Variants in ASAH1 observed in about 807,000 individuals in gnomAD.
The protein encoded by ASAH1 is acid ceramidase.
Under a neutral mutation model 59.5 loss-of-function variants are expected in ASAH1, and 70 were observed. That is an observed-to-expected ratio of 1.18 (90% CI 0.97 to 1.43). The LOEUF (loss-of-function observed/expected upper bound fraction) is 1.43, where lower values mean the gene tolerates loss of function less well. Among genes scored for constraint, ASAH1 ranks in the 40% most tolerant of loss-of-function variants. ASAH1 has a pLI of 0.00. For missense variants in ASAH1, 660 were observed against 482.5 expected (o/e 1.37, Z -3.45); for synonymous variants, 213 against 166.5 (o/e 1.28, Z -2.15).
chr8:18,060,610 A>G (rs1799652605), intron 10 of ASAH1: 2 of 152,272 alleles, frequency 1.3e-5, no homozygotes, highest in Admixed American at 1.3e-4. Context: ...TTCCCTGGGA[A>G]GTATTAAAAA....
chr8:18,083,928 TC>T, intron 1 of ASAH1, 52 bp downstream of exon 1: 1 of 1,566,680 alleles, frequency 6.4e-7, no homozygotes, highest in Non-Finnish European at 8.6e-7. Context: ...TGCGCCTCCA[TC>T]CGCGCCCGCA....
upstream of ASAH1, chr8:18,084,950 G>A: frequency 1.7e-6 from 2 of 1,184,564 alleles, no homozygotes; most frequent in Non-Finnish European, 2.4e-6. Flanking sequence ...GTAGGTGACC[G>A]GGTTGGATTT....
intron 1 of ASAH1, among the ~76,000 whole-genome samples, chr8:18,077,040 G>A (rs181418913): frequency 3.3e-5 from 5 of 152,116 alleles, no homozygotes; most frequent in Non-Finnish European, 5.9e-5. Flanking sequence ...GGGGCAGCTC[G>A]TTTAGAAAAA....
rs1588985779 is a variant in ASAH1 at position 18,067,133 on chromosome 8, C to CCTGTGCTGTATATCTAAGACATACAGCAT, written c.382+86_382+87insATGCTGTATGTCTTAGATATACAGCACAG. Reference sequence around the variant, plus strand: ...TGCTGTATATCTAAGACATACAGCACCTGTGCTGTATGTATATCACACCTC... The same window carrying CCTGTGCTGTATATCTAAGACATACAGCAT: ...TGCTGTATATCTAAGACATACAGCACCTGTGCTGTATATCTAAGACATACAGCATCTGTGCTGTATGTATATCACACCTC... On this transcript the variant is annotated intron_variant, in intron 5 of 13. Coordinates refer to ENST00000637790, the MANE Select transcript of ASAH1 (RefSeq NM_177924.5). 2.3e-5 allele frequency: 13 copies of CCTGTGCTGTATATCTAAGACATACAGCAT among 569,740 alleles called. No individual in the cohort carries two copies. In the East Asian group the frequency reaches 7.7e-4, roughly 34 times the overall value. The allele number at this position is 569,740 out of a possible 1,614,324, so 35.3% of individuals were successfully genotyped here.
chr8:18,058,615 G>C, intron 13 of ASAH1: 3 of 570,678 alleles, frequency 5.3e-6, no homozygotes, highest in Admixed American at 6.2e-5. Context: ...TGTAAATAAA[G>C]CTATAAACAA....
intron 2 of ASAH1, 28 bp downstream of exon 2, chr8:18,075,513 G>T: frequency 6.2e-7 from 1 of 1,612,034 alleles, no homozygotes; most frequent in Non-Finnish European, 8.5e-7. Flanking sequence ...AGGTCAAAGG[G>T]AGTTTTGATC....
intron 3 of ASAH1, among the ~76,000 whole-genome samples, chr8:18,070,256 T>C (rs969211673): frequency 6.6e-6 from 1 of 152,178 alleles, no homozygotes; most frequent in Non-Finnish European, 1.5e-5. Flanking sequence ...TTCAAGCGAT[T>C]CTCTTGCCTC....
chr8:18,080,589 C>T (rs968410442), intron 1 of ASAH1, among the ~76,000 whole-genome samples: 6 of 152,146 alleles, frequency 3.9e-5, no homozygotes, highest in Non-Finnish European at 8.8e-5. Context: ...GACGAAGTTT[C>T]GCTCATTGTC....
At chr8:18,060,366 C>T (rs1281122810) in intron 10 of ASAH1, 1 of 152,908 alleles carries the variant, frequency 6.5e-6, no homozygotes, top group African/African-American at 2.4e-5. Flanking sequence ...ATGGTGAACA[C>T]TGAGATGGGA....
At chr8:18,070,456 G>C (rs539779969) in intron 3 of ASAH1, among the ~76,000 whole-genome samples, 1 of 151,704 alleles carries the variant, frequency 6.6e-6, no homozygotes, top group Non-Finnish European at 1.5e-5. Flanking sequence ...CCTAATTTTT[G>C]TATTTTTAAT....
At chr8:18,084,396 G>C, upstream of ASAH1, 10 of 1,396,658 alleles carry the variant, frequency 7.2e-6, no homozygotes, top group Non-Finnish European at 9.3e-6. Context: ...AGGTGGGGCC[G>C]GGAGCTTCAC....
chr8:18,070,079 C>T (rs1588990531), intron 3 of ASAH1, among the ~76,000 whole-genome samples: 1 of 152,324 alleles, frequency 6.6e-6, no homozygotes, highest in South Asian at 2.1e-4. Flanking sequence ...CTCCCAGGTT[C>T]AAGCGATTCT....
chr8:18,084,764 C>T (rs144306858), upstream of ASAH1: 343 of 1,613,678 alleles, frequency 2.1e-4, 1 homozygote, highest in African/African-American at 3.9e-3. Context: ...CCGGTGGGAC[C>T]CGCGAGCTTT....
chr8:18,084,255 C>A, upstream of ASAH1: 5 of 1,457,404 alleles, frequency 3.4e-6, no homozygotes, highest in African/African-American at 1.4e-5. Flanking sequence ...AAAAGGGTGG[C>A]GTAGAGAAAG....
At chr8:18,076,248 C>G (rs34938993) in intron 1 of ASAH1, 15,890 of 154,788 alleles carry the variant, frequency 0.1, 890 homozygotes, top group African/African-American at 0.13. Context: ...CTTCATCTAT[C>G]TTCCATATGA....
chr8:18,075,676 A>G, intron 1 of ASAH1, 89 bp from the exon 2 acceptor site: 3 of 1,221,274 alleles, frequency 2.5e-6, no homozygotes, highest in Non-Finnish European at 3.6e-6. Context: ...CTGTGAAGAC[A>G]ACATCAAGTC....
intron 1 of ASAH1, chr8:18,083,439 G>C (rs1375801810): frequency 6.4e-6 from 1 of 156,940 alleles, no homozygotes; most frequent in East Asian, 1.9e-4. Context: ...CCACGGGACA[G>C]GCGATCCCAT....
chr8:18,067,118 C>CTAAGACATACAGCACCTGTGCTGTATATT, intron 5 of ASAH1, 102 bp downstream of exon 5: 1 of 535,182 alleles, frequency 1.9e-6, no homozygotes, highest in Non-Finnish European at 2.6e-6. Flanking sequence ...TGCTGTATAT[C>CTAAGACATACAGCACCTGTGCTGTATATT]TAAGACATAC....
chr8:18,070,609 T>G (rs1034800321), intron 3 of ASAH1, among the ~76,000 whole-genome samples: 4 of 152,200 alleles, frequency 2.6e-5, no homozygotes, highest in African/African-American at 9.6e-5. Flanking sequence ...ATTAATACAG[T>G]AAGTCTAATT....
Sources: gnomAD v4.1 joint callset for allele counts (sites outside exome capture counted in the v4.1 genomes callset) on GRCh38, gnomAD v4.1.1 for gene constraint, MANE v1.5 for transcripts, NCBI Gene and HGNC (gene_info 2026-07-23, HGNC 2026-07-21) for gene names.